Variants in CFAP47 observed in about 807,000 individuals in gnomAD.
The protein encoded by CFAP47 is cilia- and flagella-associated protein 47.
Under a neutral mutation model 148.1 loss-of-function variants are expected in CFAP47, and 29 were observed. The ratio of observed to expected loss-of-function variants is 0.20; its 90% confidence interval spans 0.15 to 0.27. CFAP47 has a LOEUF of 0.27. Ranked by LOEUF, CFAP47 falls within the 10% of genes least tolerant of loss-of-function variation. CFAP47 has a pLI of 1.00. For missense variants in CFAP47, 1,872 were observed against 1,697.5 expected (o/e 1.10, Z -1.81); for synonymous variants, 664 against 577.3 (o/e 1.15, Z -2.15).
At chrX:36,225,715 G>A (rs1017706134) in intron 45 of CFAP47, among the ~76,000 whole-genome samples, 59 of 111,328 alleles carry the variant, frequency 5.3e-4, no homozygotes, top group Middle Eastern at 4.6e-3. Context: ...GTCCCATTGG[G>A]CCCATGTACT....
At chrX:36,384,038 A>T (rs1320166904) in intron 63 of CFAP47, among the ~76,000 whole-genome samples, 2 of 111,999 alleles carry the variant, frequency 1.8e-5, no homozygotes, top group African/African-American at 6.5e-5. Flanking sequence ...GTGGTATATT[A>T]AAATGGTTAT....
intron 44 of CFAP47, among the ~76,000 whole-genome samples, chrX:36,203,299 A>C (rs782256803): frequency 8.9e-6 from 1 of 112,002 alleles, no homozygotes; most frequent in Admixed American, 9.5e-5. Context: ...TTTTTCAATT[A>C]GTGGCTCTTT....
intron 8 of CFAP47, among the ~76,000 whole-genome samples, chrX:35,959,579 C>T (rs779320824): frequency 9.0e-6 from 1 of 111,296 alleles, no homozygotes; most frequent in Non-Finnish European, 1.9e-5. Context: ...GAGGCCGAGG[C>T]GGCTGGATCA....
intron 22 of CFAP47, among the ~76,000 whole-genome samples, chrX:36,030,910 C>T (rs1465838715): frequency 9.1e-6 from 1 of 110,186 alleles, no homozygotes. Context: ...CATTTCTGCT[C>T]ACTTCTGTGT....
intron 30 of CFAP47, among the ~76,000 whole-genome samples, chrX:36,091,996 A>G (rs760912005): frequency 3.6e-5 from 4 of 111,213 alleles, no homozygotes; most frequent in Non-Finnish European, 7.6e-5. Flanking sequence ...CCGTTAGGAA[A>G]TATTTGCCAC....
intron 50 of CFAP47, among the ~76,000 whole-genome samples, chrX:36,284,082 G>A (rs1352522286): frequency 8.9e-6 from 1 of 111,978 alleles, no homozygotes; most frequent in Non-Finnish European, 1.9e-5. Flanking sequence ...TTTATTTTGG[G>A]AGAAGTCACA....
chrX:36,276,177 G>A (rs1941015203), intron 49 of CFAP47, among the ~76,000 whole-genome samples: 1 of 110,542 alleles, frequency 9.0e-6, no homozygotes, highest in Non-Finnish European at 1.9e-5. Flanking sequence ...ACTCTTCACT[G>A]TGCTAGTTTA....
chrX:36,237,977 C>A (rs10522036), intron 48 of CFAP47, among the ~76,000 whole-genome samples: 11,710 of 111,063 alleles, frequency 0.11, 1,514 homozygotes, highest in African/African-American at 0.36. Flanking sequence ...TAAAATTATT[C>A]AGTGCCATCT....
At chrX:35,967,125 G>T (rs1936418955) in intron 9 of CFAP47, among the ~76,000 whole-genome samples, 1 of 111,141 alleles carries the variant, frequency 9.0e-6, no homozygotes, top group South Asian at 3.7e-4. Flanking sequence ...CCATTCTGAG[G>T]ATTGCGCTTT....
chrX:36,065,299 T>C, intron 26 of CFAP47, among the ~76,000 whole-genome samples: 1 of 111,099 alleles, frequency 9.0e-6, no homozygotes, highest in Middle Eastern at 4.6e-3. Context: ...CATCCAAGGC[T>C]ACATACCATT....
chrX:36,121,491 A>G (rs955365455), intron 33 of CFAP47, among the ~76,000 whole-genome samples: 2 of 110,293 alleles, frequency 1.8e-5, no homozygotes, highest in Non-Finnish European at 3.8e-5. Flanking sequence ...TTCTCTGATT[A>G]TATGATTTAG....
At chrX:36,343,433 A>G (rs1393818065) in intron 57 of CFAP47, among the ~76,000 whole-genome samples, 1 of 112,021 alleles carries the variant, frequency 8.9e-6, no homozygotes, top group Non-Finnish European at 1.9e-5. Flanking sequence ...TCAGGAAACA[A>G]CAGATGCTGG....
chrX:36,229,683 A>T (rs1299517302), intron 46 of CFAP47, among the ~76,000 whole-genome samples: 1 of 109,551 alleles, frequency 9.1e-6, no homozygotes, highest in East Asian at 2.9e-4. Context: ...ATATGTATAC[A>T]TGTGCCATGC....
chrX:36,324,666 T>A (rs1941503474), intron 57 of CFAP47, among the ~76,000 whole-genome samples: 1 of 111,709 alleles, frequency 9.0e-6, no homozygotes, highest in African/African-American at 3.2e-5. Flanking sequence ...TACAAATATA[T>A]GTTATTGGGA....
intron 14 of CFAP47, 148 bp from the exon 15 acceptor site, chrX:35,975,524 A>G (rs1601911547): frequency 1.5e-6 from 1 of 670,703 alleles, no homozygotes; most frequent in Non-Finnish European, 2.2e-6. Flanking sequence ...ATAGTTTAGT[A>G]GCAATCTAAT....
At chrX:36,002,837 G>A (rs1051016711) in intron 21 of CFAP47, among the ~76,000 whole-genome samples, 1 of 111,251 alleles carries the variant, frequency 9.0e-6, no homozygotes, top group Non-Finnish European at 1.9e-5. Flanking sequence ...TTTTGGTAAT[G>A]TTATTTTTAC....
chrX:36,294,864 A>G (rs1306015048), intron 51 of CFAP47, among the ~76,000 whole-genome samples: 3 of 112,209 alleles, frequency 2.7e-5, no homozygotes, highest in African/African-American at 9.7e-5. Context: ...ATTCAATACA[A>G]CTGTTTTTAT....
In CFAP47 at chrX:36,310,956, A is replaced by G. The variant is rs782477064; in HGVS notation, c.8311A>G (p.Met2771Val). ...TGTTATACCTTTCAAAAATCCCACA[A>G]TGGAAGATGTCCTCATTGATATAAT... ...TIVIPFKNPT[M>V]EDVLIDIILT... is the part of the protein sequence containing the mutation. The change falls in exon 56 of 64, where the codon ATG (methionine) becomes GTG (valine). Residue 2771 changes from methionine (M) to valine (V), a missense_variant. Physicochemically the swap from Met to Val is conservative, Grantham distance 21 (BLOSUM62 1). Coordinates refer to ENST00000378653, the MANE Select transcript of CFAP47 (RefSeq NM_001304548.2). 19 of 1,133,833 alleles carry G rather than the reference A, an allele frequency of 1.7e-5. No individual in the cohort carries two copies. The Middle Eastern group carries it at 1.9e-3, about 113-fold the overall frequency. 93.4% of individuals were successfully genotyped at this position (1,133,833 alleles called of 1,213,427 possible). A position where few individuals can be genotyped will look rare whatever the true frequency, so the allele number is the denominator to read the frequency against.
At chrX:35,982,033 A>C (rs2146675886) in intron 15 of CFAP47, among the ~76,000 whole-genome samples, 1 of 112,159 alleles carries the variant, frequency 8.9e-6, no homozygotes, top group South Asian at 3.7e-4. Context: ...TATATACCCA[A>C]TAATGGGATT....
Sources: allele counts gnomAD v4.1 joint callset (sites outside exome capture counted in the v4.1 genomes callset), GRCh38; gene constraint gnomAD v4.1.1; transcripts MANE v1.5; gene names NCBI Gene and HGNC (gene_info 2026-07-23, HGNC 2026-07-21).